CRYZL1: variants seen among roughly 807,000 people sequenced by gnomAD.
The protein encoded by CRYZL1 is crystallin zeta like 1.
CRYZL1 carries 34 observed loss-of-function variants against 50.6 expected under a neutral mutation model. That is an observed-to-expected ratio of 0.67 (90% CI 0.51 to 0.89). The LOEUF is 0.89. Among genes scored for constraint, CRYZL1 ranks in the 40% least tolerant of loss-of-function variants. CRYZL1 has a pLI of 0.00. For missense variants in CRYZL1, 354 were observed against 402.3 expected (o/e 0.88, Z 1.03); for synonymous variants, 125 against 134.3 (o/e 0.93, Z 0.48).
chr21:33,590,103 C>T (rs537092969), intron 12 of CRYZL1, among the ~76,000 whole-genome samples, 182 bp from the exon 13 acceptor site: 5 of 152,330 alleles, frequency 3.3e-5, no homozygotes, highest in South Asian at 2.1e-4. Flanking sequence ...CTGCAACCTC[C>T]GGCTCCCGGG....
intron 9 of CRYZL1, among the ~76,000 whole-genome samples, chr21:33,598,121 T>A (rs189976481): frequency 2.4e-4 from 36 of 152,272 alleles, no homozygotes; most frequent in African/African-American, 7.7e-4. Context: ...GGCAAAGTAA[T>A]GTAACACATA....
rs760992007 is a variant in CRYZL1 at position 33,602,268 on chromosome 21, A to G, written c.543T>C (p.Asp181=). The change falls in exon 8 of 13, where the codon GAT becomes GAC. Residue 181 remains aspartate, a synonymous_variant. Coordinates refer to ENST00000381554, the MANE Select transcript of CRYZL1 (RefSeq NM_145858.3). ...GTCTGAATCTTTCAAGGCACTGCTT[A>G]TCTTCAAGGCTGCATGCTGTTGAAA... ...KVISTACSLE[D]KQCLERFRPP... 5.0e-6 allele frequency: 8 copies of G among 1,610,844 alleles called. No individual in the cohort carries two copies. The highest frequency in any genetic ancestry group is 1.3e-5 in the African/African-American group (1 of 74,994).
chr21:33,597,702 TC>T (rs2086710016), intron 9 of CRYZL1, among the ~76,000 whole-genome samples: 2 of 152,040 alleles, frequency 1.3e-5, no homozygotes, highest in African/African-American at 2.4e-5. Flanking sequence ...AAGCTCCGCC[TC>T]CCGGGTTCAC....
chr21:33,633,276 AG>A (rs2087162164), intron 1 of CRYZL1, among the ~76,000 whole-genome samples: 1 of 152,202 alleles, frequency 6.6e-6, no homozygotes, highest in South Asian at 2.1e-4. Flanking sequence ...TAAAGCATGT[AG>A]CTGGTGTCTC....
chr21:33,630,912 T>A (rs562498269), intron 2 of CRYZL1, among the ~76,000 whole-genome samples: 1 of 152,300 alleles, frequency 6.6e-6, no homozygotes, highest in African/African-American at 2.4e-5. Context: ...AAATATTACA[T>A]GATCTCACTC....
chr21:33,624,186 A>T (rs2145950867), intron 3 of CRYZL1, among the ~76,000 whole-genome samples: 1 of 152,280 alleles, frequency 6.6e-6, no homozygotes, highest in South Asian at 2.1e-4. Flanking sequence ...CTTCAATCAG[A>T]CTAATAATGT....
rs749260127 is a variant in CRYZL1 at position 33,599,107 on chromosome 21, A to G, written c.676+43T>C. The G allele has an allele frequency of 4.7e-5, 75 of 1,580,032 alleles. No individual in the cohort carries two copies. The Admixed American group carries it at 1.4e-3, about 30-fold the overall frequency. ...AAATTTTTTTTCTTAAATTCATCAA[A>G]CTAAAAAAACTACACAGGCTACTAA... On this transcript the variant is annotated intron_variant, in intron 9 of 12. Coordinates refer to ENST00000381554, the MANE Select transcript of CRYZL1 (RefSeq NM_145858.3).
intron 1 of CRYZL1, chr21:33,641,427 G>A (rs1249454490): frequency 2.4e-6 from 3 of 1,245,412 alleles, no homozygotes; most frequent in Non-Finnish European, 3.2e-6. Flanking sequence ...CTCCATAAAA[G>A]TAGAGGGAGA....
At position 33,641,720 on chromosome 21, in the gene CRYZL1, C is replaced by G. The variant is rs1405467257; in HGVS notation, c.-46G>C. 1.2e-5 allele frequency: 2 copies of G among 163,176 alleles called. No homozygotes were observed. The highest frequency in any genetic ancestry group is 2.7e-5 in the Non-Finnish European group (2 of 74,540). The allele number at this position is 163,176 out of a possible 1,614,324, so 10.1% of individuals were successfully genotyped here. ...CCCCAACGGCCTGCACCTTCACCAC[C>G]GCCACCTTCCAGTCCTTCGTCAGAG... On this transcript the variant is annotated 5_prime_UTR_variant, in exon 1 of 13. Coordinates refer to ENST00000381554, the MANE Select transcript of CRYZL1 (RefSeq NM_145858.3).
chr21:33,610,349 C>T (rs968351853), intron 6 of CRYZL1, among the ~76,000 whole-genome samples: 8 of 151,406 alleles, frequency 5.3e-5, no homozygotes, highest in South Asian at 2.1e-4. Context: ...TTAGTAGAGA[C>T]GGGGTTTTGT....
At chr21:33,593,263 T>G (rs1031178224) in intron 11 of CRYZL1, among the ~76,000 whole-genome samples, 1 of 151,638 alleles carries the variant, frequency 6.6e-6, no homozygotes, top group Admixed American at 6.6e-5. Context: ...CCCGCCACCA[T>G]GCCTGGTTAA....
intron 2 of CRYZL1, among the ~76,000 whole-genome samples, chr21:33,630,732 T>A (rs2087128027): frequency 6.6e-6 from 1 of 152,140 alleles, no homozygotes; most frequent in Admixed American, 6.5e-5. Context: ...AGCAAAGATA[T>A]GGAATCAACC....
At chr21:33,626,325 A>G (rs972607076) in intron 2 of CRYZL1, among the ~76,000 whole-genome samples, 1 of 152,154 alleles carries the variant, frequency 6.6e-6, no homozygotes, top group Non-Finnish European at 1.5e-5. Flanking sequence ...GCATTTCATC[A>G]TGCCCCATGG....
chr21:33,623,278 A>C (rs1208075860), intron 3 of CRYZL1, among the ~76,000 whole-genome samples: 1 of 152,002 alleles, frequency 6.6e-6, no homozygotes, highest in African/African-American at 2.4e-5. Context: ...TATTTCTTTT[A>C]TGCACATTTG....
chr21:33,603,289 A>G, intron 7 of CRYZL1, 115 bp downstream of exon 7: 1 of 1,281,460 alleles, frequency 7.8e-7, no homozygotes. Flanking sequence ...CTGGAAAAAA[A>G]GTCAATCAAT....
At chr21:33,591,948 C>G (rs1601323074) in intron 11 of CRYZL1, among the ~76,000 whole-genome samples, 1 of 150,466 alleles carries the variant, frequency 6.6e-6, no homozygotes, top group African/African-American at 2.4e-5. Flanking sequence ...AGAGCAATAC[C>G]CTGTCTCAAA....
At chr21:33,602,773 TG>T (rs2086770258) in intron 7 of CRYZL1, among the ~76,000 whole-genome samples, 1 of 152,202 alleles carries the variant, frequency 6.6e-6, no homozygotes, top group South Asian at 2.1e-4. Context: ...AGGGTAAGTT[TG>T]GGGAAACACT....
At chr21:33,599,390 G>A in intron 8 of CRYZL1, 142 bp from the exon 9 acceptor site, 3 of 1,135,164 alleles carry the variant, frequency 2.6e-6, no homozygotes, top group African/African-American at 1.5e-5. Context: ...GAATTTAAAG[G>A]GAGAAAGTCA....
At chr21:33,620,646 A>G (rs1303556845) in intron 4 of CRYZL1, among the ~76,000 whole-genome samples, 8 of 151,744 alleles carry the variant, frequency 5.3e-5, no homozygotes, top group Admixed American at 5.3e-4. Context: ...CCCCGTCTCT[A>G]CCAAAAAATA....
Sources: gnomAD v4.1 joint callset for allele counts (sites outside exome capture counted in the v4.1 genomes callset) on GRCh38, gnomAD v4.1.1 for gene constraint, MANE v1.5 for transcripts, NCBI Gene and HGNC (gene_info 2026-07-23, HGNC 2026-07-21) for gene names.